The following AKAP13 variants were observed in gnomAD, a reference collection of about 807,000 sequenced individuals.
AKAP13 encodes the protein A-kinase anchoring protein 13.
A neutral mutation model predicts 264.5 loss-of-function variants in AKAP13; 80 were observed. The ratio of observed to expected loss-of-function variants is 0.30; its 90% CI spans 0.25 to 0.36. AKAP13 has a LOEUF of 0.36. AKAP13 is among the 10% of genes least tolerant of loss of function. The probability of loss-of-function intolerance (pLI) is 1.00; values close to 1 mark genes in which losing one functional copy is unlikely to be tolerated. For synonymous variants in AKAP13, 1,380 were observed against 1,250.2 expected (o/e 1.10, Z -2.19); for missense variants, 3,712 against 3,435.2 (o/e 1.08, Z -2.01).
In AKAP13 at chr15:85,508,032, G is replaced by C. The variant is rs576163875; in HGVS notation, c.34-13396G>C. Among the ~76,000 whole-genome samples the C allele has an allele frequency of 3.9e-5, 6 of 152,278 alleles. No individual in the cohort carries two copies. The South Asian group carries it at 8.3e-4, about 21-fold the overall frequency. On this transcript the variant is annotated intron_variant, in intron 2 of 36. Coordinates refer to ENST00000394518, the MANE Select transcript of AKAP13 (RefSeq NM_007200.5). ...TGGCATTTTGCTTTGTCCATTTGAT[G>C]CCATATCTTTACAGATGGGTTTCAG...
intron 1 of AKAP13, among the ~76,000 whole-genome samples, chr15:85,439,948 T>G (rs2073554546): frequency 6.7e-6 from 1 of 149,154 alleles, no homozygotes; most frequent in East Asian, 2.0e-4. Flanking sequence ...TATGCACATG[T>G]ACCCTAAAAC....
At chr15:85,476,464 G>A (rs942710073) in intron 1 of AKAP13, among the ~76,000 whole-genome samples, 4 of 152,208 alleles carry the variant, frequency 2.6e-5, no homozygotes, top group African/African-American at 9.7e-5. Context: ...GTGCTGAAAG[G>A]CTATCATGTA....
At position 85,715,908 on chromosome 15, in the gene AKAP13, T is replaced by C. The variant is rs1407632419; in HGVS notation, c.5720T>C (p.Ile1907Thr). The part of the protein sequence containing the change: ...QSVSLSKSVS[I>T]QNITGVGNDE... ...GTCTCGCTCTCCAAAAGTGTCTCCA[T>C]ACAGAACATTACTGGGTAAGTGGAG... The change falls in exon 20 of 37, where the codon ATA becomes ACA. Residue 1907 changes from isoleucine to threonine, a missense_variant. Around this residue, in one of 3 missense-constraint regions of AKAP13, gnomAD observed 2,759 missense variants for 2,411.7 expected, o/e 1.14. Transcript: ENST00000394518. 5.0e-6 allele frequency: 8 copies of C among 1,611,876 alleles called. No individual in the cohort carries two copies. Among genetic ancestry groups the C allele is most frequent in the Non-Finnish European group, 5.1e-6 (6 of 1,179,536 alleles).
intron 2 of AKAP13, among the ~76,000 whole-genome samples, chr15:85,507,732 G>A (rs577079700): frequency 2.6e-5 from 4 of 152,352 alleles, no homozygotes; most frequent in African/African-American, 9.6e-5. Context: ...GGGGACTGGT[G>A]TAATCAGCTT....
chr15:85,730,851 T>A, intron 30 of AKAP13, 144 bp downstream of exon 30: 1 of 758,152 alleles, frequency 1.3e-6, no homozygotes, highest in South Asian at 2.0e-5. Context: ...TAGTAAATTA[T>A]CAGGTGAATA....
At chr15:85,585,444 A>T (rs1198177618) in intron 7 of AKAP13, among the ~76,000 whole-genome samples, 1 of 152,234 alleles carries the variant, frequency 6.6e-6, no homozygotes, top group Non-Finnish European at 1.5e-5. Flanking sequence ...AGTGAAATGG[A>T]TGTTCAAAAG....
At position 85,746,087 on chromosome 15, in the gene AKAP13, T is replaced by G. The variant is rs970874534; in HGVS notation, c.*1410T>G. 1.3e-5 allele frequency: 2 copies of G among 152,406 alleles called. No individual in the cohort carries two copies. Among genetic ancestry groups the G allele is most frequent in the African/African-American group, 4.8e-5 (2 of 41,404 alleles). The allele number at this position is 152,406 out of a possible 1,614,324, so 9.4% of individuals were successfully genotyped here. On this transcript the variant is annotated 3_prime_UTR_variant, in exon 37 of 37. Coordinates refer to ENST00000394518, the MANE Select transcript of AKAP13 (RefSeq NM_007200.5). ...CACCAGAAGGGAGGCCCTGGAAAATTTTGTGCTTCCAACGTGGCCTTCAAT... is the reference window on the plus strand; with the variant it reads ...CACCAGAAGGGAGGCCCTGGAAAATGTTGTGCTTCCAACGTGGCCTTCAAT...
intron 8 of AKAP13, among the ~76,000 whole-genome samples, chr15:85,612,625 C>T (rs965681090): frequency 2.0e-5 from 3 of 152,020 alleles, no homozygotes; most frequent in African/African-American, 7.2e-5. Flanking sequence ...AGTTCAAGAC[C>T]AGCCAGGTCA....
chr15:85,614,912 A>G (rs1230494319), intron 8 of AKAP13, among the ~76,000 whole-genome samples: 1 of 152,212 alleles, frequency 6.6e-6, no homozygotes, highest in Middle Eastern at 3.2e-3. Flanking sequence ...GTTGTGGTTA[A>G]TAAATCTTGC....
At chr15:85,553,343 C>T (rs1255022471) in intron 5 of AKAP13, among the ~76,000 whole-genome samples, 1 of 152,164 alleles carries the variant, frequency 6.6e-6, no homozygotes, top group African/African-American at 2.4e-5. Context: ...CTGCCTCGGC[C>T]TCCCAAAGTG....
At chr15:85,686,707 T>A (rs1467484256) in intron 16 of AKAP13, among the ~76,000 whole-genome samples, 1 of 152,204 alleles carries the variant, frequency 6.6e-6, no homozygotes, top group Non-Finnish European at 1.5e-5. Context: ...CCTTTTTTAC[T>A]TACCACTGCC....
rs369008646 is a variant in AKAP13 at position 85,606,090 on chromosome 15, C to CTT, written c.4161+20292_4161+20293dup. Among the ~76,000 whole-genome samples, 11 of 88,370 alleles carry CTT rather than the reference C, an allele frequency of 1.2e-4. 1 individual carries two copies. Among genetic ancestry groups the CTT allele is most frequent in the African/African-American group, 2.6e-4 (5 of 19,226 alleles). 58.0% of individuals were successfully genotyped at this position (88,370 alleles called of 152,430 possible). A position where few individuals can be genotyped will look rare whatever the true frequency, so the allele number is the denominator to read the frequency against. ...AGATTTTCTGCACTGGTTTGATCTA[C>CTT]TTTTTTTTTTTTTTTTTTTTTTTTT... On this transcript the variant is annotated intron_variant, in intron 8 of 36. Transcript: ENST00000394518.
chr15:85,735,547 A>ATTTTTTTT lies in AKAP13; in HGVS notation c.7442-7_7442-6insTTTTTTTT. ...CAACTTTAAAAAAAAAAACAACCCT[A>ATTTTTTTT]TTTTTTGTTTAGGAGGCGAGAAGGA... On this transcript the variant is annotated splice_polypyrimidine_tract_variant and intron_variant, in intron 31 of 36. Transcript: ENST00000394518. The ATTTTTTTT allele has an allele frequency of 1.2e-6, 2 of 1,601,660 alleles. No individual in the cohort carries two copies. The highest frequency in any genetic ancestry group is 1.7e-6 in the Non-Finnish European group (2 of 1,176,240).
At chr15:85,574,069 A>T (rs1032551548) in intron 5 of AKAP13, among the ~76,000 whole-genome samples, 1 of 152,258 alleles carries the variant, frequency 6.6e-6, no homozygotes, top group African/African-American at 2.4e-5. Flanking sequence ...TTTTGTACCC[A>T]GAAATCTCTA....
intron 34 of AKAP13, 114 bp downstream of exon 34, chr15:85,740,386 C>T (rs1399528425): frequency 8.0e-6 from 10 of 1,243,742 alleles, no homozygotes; most frequent in Non-Finnish European, 1.2e-5. Flanking sequence ...TAAATGGGGC[C>T]CTCAGTCTAG....
rs549585390 is a variant in AKAP13 at position 85,613,126 on chromosome 15, T to G, written c.4162-26248T>G. Among the ~76,000 whole-genome samples the G allele has an allele frequency of 8.5e-5, 13 of 152,322 alleles. No homozygotes were observed. In the South Asian group the frequency reaches 2.3e-3, roughly 27 times the overall value. On this transcript the variant is annotated intron_variant, in intron 8 of 36. Transcript: ENST00000394518. The stretch of plus-strand genomic sequence containing the variant: ...CTATGAGTAAATATGGCTTATAGTT[T>G]TATCAAATACAACAGTCTTTAGGAT...
Position 85,571,399 on chromosome 15 carries a change from G to A in AKAP13, c.663-3732G>A, listed in dbSNP as rs538073409. Among the ~76,000 whole-genome samples the A allele has an allele frequency of 1.8e-4, 28 of 152,100 alleles. 1 individual carries two copies. The highest frequency in any genetic ancestry group is 3.9e-4 in the Admixed American group (6 of 15,284). ...TCTGTTCTTTAATTTACCAATCAGCGCTTCAGTTACTAACTGGTTAGATTG... is the reference window on the plus strand; with the variant it reads ...TCTGTTCTTTAATTTACCAATCAGCACTTCAGTTACTAACTGGTTAGATTG... On this transcript the variant is annotated intron_variant, in intron 5 of 36. Coordinates refer to ENST00000394518, the MANE Select transcript of AKAP13 (RefSeq NM_007200.5).
In AKAP13 at chr15:85,730,525, A is replaced by G. The variant is rs149781236; in HGVS notation, c.7100A>G (p.Gln2367Arg). Residue 2367 changes from glutamine (Q) to arginine (R), a missense_variant, in exon 30 of 37, where the codon CAG becomes CGG. By Grantham distance (43) the Gln-to-Arg change is conservative. Transcript: ENST00000394518. ...RARELKEQLH[Q>R]KDQKILLLLE... ...CTCCTTCCTGCAGAACAACTTCACC[A>G]GAAGGACCAAAAAATCCTACTCTTG... is the stretch of plus-strand genomic sequence containing the variant. 1.5e-3 allele frequency: 2,399 copies of G among 1,613,962 alleles called. 5 individuals are homozygous for G. The highest frequency in any genetic ancestry group is 1.8e-3 in the Non-Finnish European group (2,179 of 1,179,904).
At chr15:85,667,316 G>C (rs1596983658) in intron 13 of AKAP13, among the ~76,000 whole-genome samples, 1 of 152,168 alleles carries the variant, frequency 6.6e-6, no homozygotes, top group East Asian at 1.9e-4. Flanking sequence ...CAGTTGAAGA[G>C]TGAATTTTGC....
Sources: allele counts gnomAD v4.1 joint callset (sites outside exome capture counted in the v4.1 genomes callset), GRCh38; gene constraint gnomAD v4.1.1; regional missense constraint gnomAD v4.1.1; transcripts MANE v1.5; gene names NCBI Gene and HGNC (gene_info 2026-07-23, HGNC 2026-07-21).